The following MAPK8IP2 variants were observed in gnomAD, a reference collection of about 807,000 sequenced individuals.
MAPK8IP2 encodes mitogen-activated protein kinase 8 interacting protein 2, also known as C-Jun-amino-terminal kinase-interacting protein 2.
In MAPK8IP2, 15 loss-of-function variants were observed where a neutral mutation model predicts 75.6. That is an observed-to-expected ratio of 0.20 (90% CI 0.13 to 0.31). The LOEUF (loss-of-function observed/expected upper bound fraction) is 0.31, where lower values mean the gene tolerates loss of function less well. MAPK8IP2 is among the 10% of genes least tolerant of loss of function. MAPK8IP2 has a pLI of 1.00. For missense variants in MAPK8IP2, 1,089 were observed against 1,211.2 expected (o/e 0.90, Z 1.50); for synonymous variants, 632 against 554.5 (o/e 1.14, Z -1.96).
chr22:50,604,731 G>A lies in MAPK8IP2; in HGVS notation c.1432G>A (p.Glu478Lys). The change falls in exon 5 of 12, where the codon GAA becomes AAA. Residue 478 changes from glutamate to lysine, a missense_variant. Glu to Lys is a moderately conservative substitution (Grantham distance 56). Around this residue, in one of 2 missense-constraint regions of MAPK8IP2, gnomAD observed 960 missense variants for 1,009.6 expected, o/e 0.95. Transcript: ENST00000329492. ...SEEEDEEDDEEEEDAEDSAGS... is the reference protein window; with the variant it reads ...SEEEDEEDDEKEEDAEDSAGS... Reference sequence around the variant, plus strand: ...GGAGGAGGACGAAGAGGACGACGAGGAAGAGGAGGATGCCGAGGACAGTGC... The same window carrying A: ...GGAGGAGGACGAAGAGGACGACGAGAAAGAGGAGGATGCCGAGGACAGTGC... The A allele has an allele frequency of 6.5e-7, 1 of 1,537,102 alleles. No individual in the cohort carries two copies. Among genetic ancestry groups the A allele is most frequent in the East Asian group, 2.5e-5 (1 of 40,618 alleles).
chr22:50,610,132 C>T lies in MAPK8IP2; in HGVS notation c.2304-80C>T. 9.6e-7 allele frequency: 1 copy of T among 1,038,598 alleles called. No individual in the cohort carries two copies. Among genetic ancestry groups the T allele is most frequent in the East Asian group, 2.6e-5 (1 of 38,914 alleles). The allele number at this position is 1,038,598 out of a possible 1,614,324, so 64.3% of individuals were successfully genotyped here. On this transcript the variant is annotated intron_variant, in intron 10 of 11. Transcript: ENST00000329492. The surrounding 1 kb of genome is among the most constrained non-coding windows in gnomAD (Gnocchi z 4.3). ...CTCTCCCCAAGCCCTTTGTTCCTGC[C>T]TCTTCTCTCTACATCATTTGTGGGG...
At position 50,610,333 on chromosome 22, in the gene MAPK8IP2, G is replaced by C. The variant is rs755388206; in HGVS notation, c.2402+23G>C. ...GGGGTGAGTGGGGCCCCAGGGTGTG[G>C]GTGCAGAATGGGTGCAGGGTTACGG... On this transcript the variant is annotated intron_variant, in intron 11 of 11. Transcript: ENST00000329492. This position sits in a 1 kb window ranked among gnomAD's most constrained non-coding sequence, Gnocchi z 4.3. 4 of 1,571,792 alleles carry C rather than the reference G, an allele frequency of 2.5e-6. No homozygotes were observed. Among genetic ancestry groups the C allele is most frequent in the Non-Finnish European group, 3.5e-6 (4 of 1,154,648 alleles).
At position 50,607,199 on chromosome 22, in the gene MAPK8IP2, A is replaced by C. The variant is rs1393199371; in HGVS notation, c.2303+208A>C. On this transcript the variant is annotated intron_variant, in intron 10 of 11. Transcript: ENST00000329492. This position sits in a 1 kb window ranked among gnomAD's most constrained non-coding sequence, Gnocchi z 5.6. ...GCGTGGGTCAGACAGGCTTGCATCC[A>C]GTCTGGGTGGAGAGAGGCACACGGG... 6.6e-6 allele frequency among the ~76,000 whole-genome samples: 1 copy of C among 152,056 alleles called. No homozygotes were observed.
In MAPK8IP2 at chr22:50,610,742, C is replaced by G; in HGVS notation, c.2438C>G (p.Ala813Gly). The G allele has an allele frequency of 6.2e-7, 1 of 1,610,956 alleles. No individual in the cohort carries two copies. Among genetic ancestry groups the G allele is most frequent in the African/African-American group, 1.3e-5 (1 of 74,950 alleles). The change falls in exon 12 of 12, where the codon GCG becomes GGG. Residue 813 changes from alanine (A) to glycine (G), a missense_variant. Around this residue, in one of 2 missense-constraint regions of MAPK8IP2, gnomAD observed 129 missense variants for 201.7 expected, o/e 0.64. Coordinates refer to ENST00000329492, the MANE Select transcript of MAPK8IP2 (RefSeq NM_012324.6). The surrounding 1 kb of genome is among the most constrained non-coding windows in gnomAD (Gnocchi z 4.3). ...CTGGAGTACTACCAAGAGCACCTGG[C>G]GTACGCCTGCCCCACGGAGGACATC... ...AFLEYYQEHL[A>G]YACPTEDIYL...
At chr22:50,608,682 G>T (rs2071092367) in intron 10 of MAPK8IP2, among the ~76,000 whole-genome samples, 1 of 145,590 alleles carries the variant, frequency 6.9e-6, no homozygotes, top group Non-Finnish European at 1.5e-5. Context: ...AGACCAGACA[G>T]CAGGGACAGC....
Position 50,605,556 on chromosome 22 carries a change from C to T in MAPK8IP2, c.1842-6C>T, listed in dbSNP as rs113898860. 2,692 of 1,431,818 alleles carry T rather than the reference C, an allele frequency of 1.9e-3. 40 individuals are homozygous for T. The African/African-American group carries it at 0.034, about 18-fold the overall frequency. 88.7% of individuals were successfully genotyped at this position (1,431,818 alleles called of 1,614,324 possible). A position where few individuals can be genotyped will look rare whatever the true frequency, so the allele number is the denominator to read the frequency against. ...CCCTCCCCAGTGACCTCTCCCCCAACGGCAGGTTCATCCCGCGGCATCCAG... is the reference window on the plus strand; with the variant it reads ...CCCTCCCCAGTGACCTCTCCCCCAATGGCAGGTTCATCCCGCGGCATCCAG... On this transcript the variant is annotated splice_polypyrimidine_tract_variant and splice_region_variant and intron_variant, in intron 6 of 11. Coordinates refer to ENST00000329492, the MANE Select transcript of MAPK8IP2 (RefSeq NM_012324.6).
At chr22:50,609,553 G>A (rs1010964306) in intron 10 of MAPK8IP2, among the ~76,000 whole-genome samples, 14 of 151,598 alleles carry the variant, frequency 9.2e-5, no homozygotes, top group African/African-American at 2.7e-4. Flanking sequence ...TGGTGGAATC[G>A]CAAAGCCCCG....
chr22:50,608,152 T>C (rs1300883052), intron 10 of MAPK8IP2, among the ~76,000 whole-genome samples: 2 of 151,716 alleles, frequency 1.3e-5, no homozygotes, highest in African/African-American at 2.4e-5. Flanking sequence ...TGGTCGAGAG[T>C]GAGGGTGCTG....
chr22:50,610,900 G>T lies in MAPK8IP2; in HGVS notation c.*121G>T. ...TGGGGGGACATGGGACCTTACGCTT[G>T]TGGGGGTCTGCGGGCTGGGAACTCT... On this transcript the variant is annotated 3_prime_UTR_variant, in exon 12 of 12. Transcript: ENST00000329492. The surrounding 1 kb of genome is among the most constrained non-coding windows in gnomAD (Gnocchi z 4.3). 1.2e-6 allele frequency: 1 copy of T among 832,498 alleles called. No homozygotes were observed. Among genetic ancestry groups the T allele is most frequent in the Non-Finnish European group, 1.8e-6 (1 of 541,634 alleles). 51.6% of individuals were successfully genotyped at this position (832,498 alleles called of 1,614,324 possible). A position where few individuals can be genotyped will look rare whatever the true frequency, so the allele number is the denominator to read the frequency against.
intron 1 of MAPK8IP2, chr22:50,601,566 G>A (rs1371799706): frequency 1.9e-6 from 1 of 521,966 alleles, no homozygotes; most frequent in Non-Finnish European, 3.5e-6. Flanking sequence ...GAGGGGTGGG[G>A]GCAGGGTTGG....
chr22:50,603,819 A>AC, intron 4 of MAPK8IP2, 22 bp from the exon 5 acceptor site: 1 of 1,520,528 alleles, frequency 6.6e-7, no homozygotes, highest in Non-Finnish European at 8.8e-7. Flanking sequence ...AGAGAGGGTG[A>AC]CCCCACCTCC....
At chr22:50,608,722 C>T (rs113493830) in intron 10 of MAPK8IP2, among the ~76,000 whole-genome samples, 5,974 of 69,182 alleles carry the variant, frequency 0.086, 262 homozygotes, top group African/African-American at 0.15. Flanking sequence ...ACAGTGGGCA[C>T]GGGCGCAGAC....
Position 50,605,002 on chromosome 22 carries a change from C to T in MAPK8IP2, c.1703C>T (p.Pro568Leu), listed in dbSNP as rs1806469045. Residue 568 changes from proline to leucine, a missense_variant, in exon 5 of 12, where the codon CCT becomes CTT. Around this residue, in one of 2 missense-constraint regions of MAPK8IP2, gnomAD observed 960 missense variants for 1,009.6 expected, o/e 0.95. Transcript: ENST00000329492. ...QVSGDTSPDS[P>L]DLTFSKKFLN... ...TCGGGGGACACCTCGCCGGACAGCC[C>T]TGACCTCACTTTCTCCAAGAAGTTC... 2 of 1,612,546 alleles carry T rather than the reference C, an allele frequency of 1.2e-6. No individual in the cohort carries two copies. Among genetic ancestry groups the T allele is most frequent in the African/African-American group, 1.3e-5 (1 of 75,056 alleles).
At position 50,604,986 on chromosome 22, in the gene MAPK8IP2, A is replaced by C. The variant is rs1194353826; in HGVS notation, c.1687A>C (p.Thr563Pro). Residue 563 changes from threonine to proline, a missense_variant, in exon 5 of 12, where the codon ACC becomes CCC. Physicochemically the swap from Thr to Pro is conservative, Grantham distance 38. Around this residue, in one of 2 missense-constraint regions of MAPK8IP2, gnomAD observed 960 missense variants for 1,009.6 expected, o/e 0.95. Coordinates refer to ENST00000329492, the MANE Select transcript of MAPK8IP2 (RefSeq NM_012324.6). Reference sequence around the variant, plus strand: ...AGGCGGCGGTCAGGTCTCGGGGGACACCTCGCCGGACAGCCCTGACCTCAC... The same window carrying C: ...AGGCGGCGGTCAGGTCTCGGGGGACCCCTCGCCGGACAGCCCTGACCTCAC... ...LLGGGQVSGD[T>P]SPDSPDLTFS... 3 of 1,612,080 alleles carry C rather than the reference A, an allele frequency of 1.9e-6. No individual in the cohort carries two copies. In the African/African-American group the frequency reaches 4.0e-5, roughly 22 times the overall value.
intron 1 of MAPK8IP2, chr22:50,601,479 C>G (rs2070936583): frequency 3.1e-6 from 1 of 317,588 alleles, no homozygotes; most frequent in South Asian, 4.1e-5. Flanking sequence ...CCCTGCTCTG[C>G]AAGACCCTGA....
At position 50,604,318 on chromosome 22, in the gene MAPK8IP2, A is replaced by T; in HGVS notation, c.1019A>T (p.Asp340Val). The T allele has an allele frequency of 6.5e-7, 1 of 1,542,336 alleles. No homozygotes were observed. Among genetic ancestry groups the T allele is most frequent in the East Asian group, 2.4e-5 (1 of 41,160 alleles). Residue 340 changes from aspartate (D) to valine (V), a missense_variant, in exon 5 of 12, where the codon GAC becomes GTC. Physicochemically the swap from Asp to Val is radical, Grantham distance 152. Transcript: ENST00000329492. ...GAGTCGGGGTCGGAGTCGGAGCCGGACCTCAGCGAGGACGCGGACTCGCCC... is the reference window on the plus strand; with the variant it reads ...GAGTCGGGGTCGGAGTCGGAGCCGGTCCTCAGCGAGGACGCGGACTCGCCC... ...EYESGSESEP[D>V]LSEDADSPWL...
intron 6 of MAPK8IP2, 53 bp downstream of exon 6, chr22:50,605,496 C>G (rs979960535): frequency 6.2e-7 from 1 of 1,609,462 alleles, no homozygotes; most frequent in Non-Finnish European, 8.5e-7. Flanking sequence ...CCTGCCATCA[C>G]GGAACGCCAG....
chr22:50,606,420 G>T (rs1445628902), intron 8 of MAPK8IP2, among the ~76,000 whole-genome samples: 3 of 59,250 alleles, frequency 5.1e-5, no homozygotes, highest in African/African-American at 1.4e-4. Flanking sequence ...GCAGCAGCCT[G>T]CCTGGAGGAG....
rs551769296 is a variant in MAPK8IP2, at chr22:50,609,550, A to C, written c.2304-662A>C. Among the ~76,000 whole-genome samples, 3 of 151,522 alleles carry C rather than the reference A, an allele frequency of 2.0e-5. No homozygotes were observed. In the East Asian group the frequency reaches 5.9e-4, roughly 30 times the overall value. ...ATCATGTGGCTTCCCATTTGGTGGAATCGCAAAGCCCCGAAGCCATGGGGG... is the reference window on the plus strand; with the variant it reads ...ATCATGTGGCTTCCCATTTGGTGGACTCGCAAAGCCCCGAAGCCATGGGGG... On this transcript the variant is annotated intron_variant, in intron 10 of 11. Coordinates refer to ENST00000329492, the MANE Select transcript of MAPK8IP2 (RefSeq NM_012324.6).
Sources: allele counts gnomAD v4.1 joint callset (sites outside exome capture counted in the v4.1 genomes callset), GRCh38; gene constraint gnomAD v4.1.1; regional missense constraint gnomAD v4.1.1; non-coding constraint Gnocchi (gnomAD v3.1); transcripts MANE v1.5; gene names NCBI Gene and HGNC (gene_info 2026-07-23, HGNC 2026-07-21).